Variants in STX12 observed in about 807,000 individuals in gnomAD.
STX12 encodes the protein syntaxin 12, also known as syntaxin-12.
STX12 carries 17 observed loss-of-function variants against 42.2 expected under a neutral mutation model. That is an observed-to-expected ratio of 0.40 (90% CI 0.28 to 0.60). The LOEUF is 0.60. STX12 is among the 20% of genes least tolerant of loss of function. STX12 has a pLI of 0.39. For synonymous variants in STX12, 108 were observed against 116.7 expected (o/e 0.93, Z 0.48); for missense variants, 297 against 330.9 (o/e 0.90, Z 0.79).
chr1:27,784,693 G>A (rs545298767), intron 1 of STX12, among the ~76,000 whole-genome samples: 1 of 152,116 alleles, frequency 6.6e-6, no homozygotes, highest in East Asian at 1.9e-4. Context: ...GATTATAGAG[G>A]GCAATATACA....
chr1:27,790,696 C>A (rs1466256373), intron 2 of STX12, among the ~76,000 whole-genome samples: 2 of 152,158 alleles, frequency 1.3e-5, no homozygotes, highest in African/African-American at 4.8e-5. Context: ...AATCCCAGCA[C>A]TTTGGGAGGC....
intron 4 of STX12, among the ~76,000 whole-genome samples, chr1:27,805,699 T>C (rs1259162521): frequency 6.6e-6 from 1 of 152,176 alleles, no homozygotes; most frequent in African/African-American, 2.4e-5. Flanking sequence ...GGTGTAGTGG[T>C]GATGAACTCT....
At position 27,773,280 on chromosome 1, in the gene STX12, T is replaced by C. The variant is rs761947379; in HGVS notation, c.-28T>C. ...GGCTGCTTCCGGTAGGAGAGCGGTG[T>C]AGAGCGAGCAGGTCTCAGCTCCTCG... On this transcript the variant is annotated 5_prime_UTR_variant, in exon 1 of 9. Transcript: ENST00000373943. 4.2e-5 allele frequency: 62 copies of C among 1,484,722 alleles called. No individual in the cohort carries two copies. The highest frequency in any genetic ancestry group is 5.2e-5 in the Non-Finnish European group (56 of 1,074,484). 92.0% of individuals were successfully genotyped at this position (1,484,722 alleles called of 1,614,324 possible).
At chr1:27,785,671 C>T (rs566912873) in intron 1 of STX12, among the ~76,000 whole-genome samples, 2 of 152,148 alleles carry the variant, frequency 1.3e-5, no homozygotes, top group South Asian at 2.1e-4. Context: ...TCTAGTTAGT[C>T]GTCAAGTCTG....
rs1195853564 is a variant in STX12 at position 27,823,433 on chromosome 1, T to C, written c.*1104T>C. 6.6e-6 allele frequency: 1 copy of C among 152,642 alleles called. No individual in the cohort carries two copies. Among genetic ancestry groups the C allele is most frequent in the East Asian group, 1.9e-4 (1 of 5,208 alleles). 9.5% of individuals were successfully genotyped at this position (152,642 alleles called of 1,614,324 possible). A position where few individuals can be genotyped will look rare whatever the true frequency, so the allele number is the denominator to read the frequency against. ...AGATTAATATCTCCATGCATAGTTT[T>C]AGACAAAAAAAGATGTTTCAATAAA... On this transcript the variant is annotated 3_prime_UTR_variant, in exon 9 of 9. Transcript: ENST00000373943.
chr1:27,801,723 G>A lies in STX12; in HGVS notation c.334G>A (p.Ala112Thr), dbSNP rs2088829519. ...QKERLMNDFSAALNNFQAVQR... is the reference protein window; with the variant it reads ...QKERLMNDFSTALNNFQAVQR... Reference sequence around the variant, plus strand: ...GGAACGCCTCATGAATGACTTCTCTGCAGCCTTAAACAATTTCCAGGCTGT... The same window carrying A: ...GGAACGCCTCATGAATGACTTCTCTACAGCCTTAAACAATTTCCAGGCTGT... The change falls in exon 4 of 9, where the codon GCA becomes ACA. Residue 112 changes from alanine to threonine, a missense_variant. Physicochemically the swap from Ala to Thr is moderately conservative, Grantham distance 58. Coordinates refer to ENST00000373943, the MANE Select transcript of STX12 (RefSeq NM_177424.3). The A allele has an allele frequency of 2.5e-6, 4 of 1,586,554 alleles. No homozygotes were observed. The highest frequency in any genetic ancestry group is 3.4e-6 in the Non-Finnish European group (4 of 1,170,660).
rs1227741585 is a variant in STX12 at position 27,792,210 on chromosome 1, GTATC to G, written c.189-1319_189-1316del. Reference sequence around the variant, plus strand: ...TCTATATATGTATATACATATATATGTATCTATATATATGTATATACATATATAT... The same window carrying G: ...TCTATATATGTATATACATATATATGTATATATATGTATATACATATATAT... On this transcript the variant is annotated intron_variant, in intron 2 of 8. Coordinates refer to ENST00000373943, the MANE Select transcript of STX12 (RefSeq NM_177424.3). Among the ~76,000 whole-genome samples, 19 of 117,506 alleles carry G rather than the reference GTATC, an allele frequency of 1.6e-4. 1 individual carries two copies. Among genetic ancestry groups the G allele is most frequent in the Non-Finnish European group, 8.7e-5 (5 of 57,240 alleles). 77.1% of individuals were successfully genotyped at this position (117,506 alleles called of 152,430 possible).
At chr1:27,776,645 A>G (rs1324636890) in intron 1 of STX12, among the ~76,000 whole-genome samples, 1 of 152,176 alleles carries the variant, frequency 6.6e-6, no homozygotes, top group African/African-American at 2.4e-5. Context: ...TGAGCCCAGG[A>G]GTTGGAGGCT....
At chr1:27,775,289 T>A (rs890275078) in intron 1 of STX12, among the ~76,000 whole-genome samples, 13 of 152,086 alleles carry the variant, frequency 8.5e-5, no homozygotes, top group Admixed American at 3.3e-4. Flanking sequence ...ATTTTTATTT[T>A]GAGACAGGGT....
At position 27,809,542 on chromosome 1, in the gene STX12, C is replaced by G. The variant is rs530272408; in HGVS notation, c.427-704C>G. ...GTGGCGCAATCTCAGCTTACTGCAGCCTCCGCCTCCCTGATTCAATTCTCC... is the reference window on the plus strand; with the variant it reads ...GTGGCGCAATCTCAGCTTACTGCAGGCTCCGCCTCCCTGATTCAATTCTCC... On this transcript the variant is annotated intron_variant, in intron 4 of 8. Coordinates refer to ENST00000373943, the MANE Select transcript of STX12 (RefSeq NM_177424.3). Among the ~76,000 whole-genome samples, 25 of 148,520 alleles carry G rather than the reference C, an allele frequency of 1.7e-4. No individual in the cohort carries two copies. In the Middle Eastern group the frequency reaches 0.021, roughly 125 times the overall value.
At chr1:27,817,479 T>C (rs953396465) in intron 6 of STX12, among the ~76,000 whole-genome samples, 5 of 152,184 alleles carry the variant, frequency 3.3e-5, no homozygotes, top group Non-Finnish European at 5.9e-5. Flanking sequence ...TAGTCCAAAG[T>C]CCCAGTGGTT....
intron 1 of STX12, among the ~76,000 whole-genome samples, chr1:27,779,339 T>TG (rs1553181127): frequency 0.012 from 1,805 of 150,472 alleles, 44 homozygotes; most frequent in African/African-American, 0.043. Context: ...TTTTGTTTTT[T>TG]TTTGTTTTTT....
chr1:27,774,590 C>T (rs1174056482), intron 1 of STX12, among the ~76,000 whole-genome samples: 1 of 152,078 alleles, frequency 6.6e-6, no homozygotes, highest in African/African-American at 2.4e-5. Flanking sequence ...AACCCCTGGG[C>T]ACAAGCACTT....
Position 27,813,308 on chromosome 1 carries a change from C to T in STX12, c.576+1040C>T, listed in dbSNP as rs549546254. 9.9e-5 allele frequency among the ~76,000 whole-genome samples: 15 copies of T among 151,880 alleles called. 2 individuals are homozygous for T. Among genetic ancestry groups the T allele is most frequent in the African/African-American group, 3.6e-4 (15 of 41,412 alleles). On this transcript the variant is annotated intron_variant, in intron 6 of 8. Coordinates refer to ENST00000373943, the MANE Select transcript of STX12 (RefSeq NM_177424.3). ...CTCCTGCCTCAGCCTCCTGAATAGC[C>T]GAGACTACCAGTACGCACCACCACA...
Position 27,812,257 on chromosome 1 carries a change from C to T in STX12, c.565C>T (p.Arg189Trp), listed in dbSNP as rs377420642. Residue 189 changes from arginine (R) to tryptophan (W), a missense_variant, in exon 6 of 9, where the codon CGG becomes TGG. Transcript: ENST00000373943. ...ELIKERETAI[R>W]QLEADILDVN... ...TATTAAAGAAAGAGAAACGGCAATT[C>T]GGCAGCTGGAGGTGAGAGCCACGTC... 33 of 1,555,784 alleles carry T rather than the reference C, an allele frequency of 2.1e-5. No individual in the cohort carries two copies. The highest frequency in any genetic ancestry group is 5.5e-5 in the African/African-American group (4 of 73,266).
At chr1:27,806,532 T>C (rs562759095) in intron 4 of STX12, among the ~76,000 whole-genome samples, 6 of 152,330 alleles carry the variant, frequency 3.9e-5, no homozygotes, top group African/African-American at 1.2e-4. Flanking sequence ...AGTAGAAAGA[T>C]ATGTATTGAG....
At chr1:27,814,390 G>T (rs1557807308) in intron 6 of STX12, among the ~76,000 whole-genome samples, 1 of 150,380 alleles carries the variant, frequency 6.6e-6, no homozygotes, top group African/African-American at 2.5e-5. Context: ...TTAACCGGGT[G>T]CTGTAACATG....
chr1:27,788,512 A>T (rs760342645), intron 1 of STX12, among the ~76,000 whole-genome samples: 2 of 152,170 alleles, frequency 1.3e-5, no homozygotes, highest in African/African-American at 4.8e-5. Context: ...TCCTAGTCTT[A>T]GCAAATATCT....
rs1423845385 is a variant in STX12 at position 27,792,110 on chromosome 1, T to TAAATATA, written c.189-1422_189-1416dup. On this transcript the variant is annotated intron_variant, in intron 2 of 8. Transcript: ENST00000373943. ...ATATAAATATAAAATATATAGTATA[T>TAAATATA]AAATATATAATATATATCTATATAT... 2.7e-4 allele frequency among the ~76,000 whole-genome samples: 35 copies of TAAATATA among 129,046 alleles called. 2 individuals carry two copies. The highest frequency in any genetic ancestry group is 1.3e-3 in the African/African-American group (34 of 27,014). 84.7% of individuals were successfully genotyped at this position (129,046 alleles called of 152,430 possible).
Sources: gnomAD v4.1 joint callset for allele counts (sites outside exome capture counted in the v4.1 genomes callset) on GRCh38, gnomAD v4.1.1 for gene constraint, MANE v1.5 for transcripts, NCBI Gene and HGNC (gene_info 2026-07-23, HGNC 2026-07-21) for gene names.